The following NRXN1 variants were observed in gnomAD, a reference collection of about 807,000 sequenced individuals.
NRXN1 encodes neurexin 1.
In NRXN1, 39 loss-of-function variants were observed where a neutral mutation model predicts 150.9. The ratio of observed to expected loss-of-function variants is 0.26; its 90% confidence interval spans 0.20 to 0.34. The LOEUF is 0.34. Among genes scored for constraint, NRXN1 ranks in the 10% least tolerant of loss-of-function variants. The pLI, the probability that NRXN1 is intolerant of heterozygous loss-of-function variation, is 1.00. For synonymous variants in NRXN1, 924 were observed against 757.0 expected (o/e 1.22, Z -3.62); for missense variants, 1,815 against 1,949.9 (o/e 0.93, Z 1.30).
At chr2:50,878,710 T>A (rs181998747) in intron 5 of NRXN1, among the ~76,000 whole-genome samples, 54 of 152,048 alleles carry the variant, frequency 3.6e-4, no homozygotes, top group Non-Finnish European at 6.6e-4. Flanking sequence ...ATAGCATGGC[T>A]GACGAGATTG....
rs199561088 is a variant in NRXN1, at chr2:51,027,637, C to A, written c.637G>T (p.Gly213Trp). The change falls in exon 2 of 23, where the codon GGG (glycine) becomes TGG (tryptophan). Residue 213 changes from glycine (G) to tryptophan (W), a missense_variant. Gly to Trp is a radical substitution (Grantham distance 184). Transcript: ENST00000401669. Reference protein sequence around the residue: ...KLDDEPPNSGGGSPCEAGEEG... With the variant: ...KLDDEPPNSGWGSPCEAGEEG... ...TCGCCCGCCTCGCACGGGCTTCCCC[C>A]GCCGCTGTTGGGCGGCTCATCGTCC... 1.2e-5 allele frequency: 19 copies of A among 1,597,092 alleles called. No homozygotes were observed. The highest frequency in any genetic ancestry group is 1.5e-5 in the Non-Finnish European group (18 of 1,172,148).
At position 50,095,693 on chromosome 2, in the gene NRXN1, G is replaced by GT. The variant is rs1032294193; in HGVS notation, c.3547-4200dup. On this transcript the variant is annotated intron_variant, in intron 18 of 22. Coordinates refer to ENST00000401669, the MANE Select transcript of NRXN1 (RefSeq NM_001330078.2). ...AAATCTCCAGATTTCATAGGATTTG[G>GT]TTTTTTTGCAACACAATAAAATAAA... Among the ~76,000 whole-genome samples, 164 of 151,270 alleles carry GT rather than the reference G, an allele frequency of 1.1e-3. 1 individual carries two copies. Among genetic ancestry groups the GT allele is most frequent in the African/African-American group, 3.7e-3 (154 of 41,240 alleles).
chr2:50,241,638 G>A (rs556839757), intron 17 of NRXN1, among the ~76,000 whole-genome samples: 3 of 151,892 alleles, frequency 2.0e-5, no homozygotes, highest in African/African-American at 7.2e-5. Context: ...ATTTAGCAAT[G>A]TCAACATACT....
intron 17 of NRXN1, among the ~76,000 whole-genome samples, chr2:50,355,325 CAG>C (rs1408414826): frequency 6.7e-6 from 1 of 150,098 alleles, no homozygotes; most frequent in East Asian, 1.9e-4. Flanking sequence ...CACATTTTGT[CAG>C]AGATATTCTG....
intron 17 of NRXN1, among the ~76,000 whole-genome samples, chr2:50,262,987 C>T (rs2068451846): frequency 6.6e-6 from 1 of 151,910 alleles, no homozygotes; most frequent in African/African-American, 2.4e-5. Context: ...TTTTGAAATG[C>T]CCTTAGACCT....
chr2:50,707,527 A>T (rs1303660837), intron 5 of NRXN1, among the ~76,000 whole-genome samples: 1 of 152,164 alleles, frequency 6.6e-6, no homozygotes, highest in African/African-American at 2.4e-5. Context: ...TGATAAACAT[A>T]TTGAAAATTC....
intron 8 of NRXN1, among the ~76,000 whole-genome samples, chr2:50,601,385 G>T (rs997466032): frequency 6.6e-6 from 1 of 152,116 alleles, no homozygotes; most frequent in African/African-American, 2.4e-5. Flanking sequence ...TATAATACGT[G>T]GTTTGACATG....
intron 8 of NRXN1, among the ~76,000 whole-genome samples, chr2:50,593,725 C>T (rs1674665765): frequency 6.6e-6 from 1 of 152,028 alleles, no homozygotes; most frequent in Non-Finnish European, 1.5e-5. Context: ...TATATTTTGG[C>T]CACGTTTTAA....
chr2:50,285,532 A>T (rs1291843822), intron 17 of NRXN1, among the ~76,000 whole-genome samples: 1 of 152,206 alleles, frequency 6.6e-6, no homozygotes, highest in Admixed American at 6.5e-5. Context: ...ACCCCTGCAA[A>T]TATGGGGAAA....
intron 8 of NRXN1, among the ~76,000 whole-genome samples, chr2:50,572,207 G>T (rs377467102): frequency 6.6e-6 from 1 of 152,258 alleles, no homozygotes; most frequent in African/African-American, 2.4e-5. Context: ...GTCCTGAAGG[G>T]CATGCACATA....
chr2:50,538,377 T>C lies in NRXN1; in HGVS notation c.2019A>G (p.Ser673=). 1 of 1,614,034 alleles carries C rather than the reference T, an allele frequency of 6.2e-7. No homozygotes were observed. Among genetic ancestry groups the C allele is most frequent in the Non-Finnish European group, 8.5e-7 (1 of 1,179,888 alleles). ...TAAGGCACGGTTTTGCTGTTTCCTT[T>C]GAGCAGGAAGGCTTCACTCCAGCAG... is the stretch of plus-strand genomic sequence containing the variant. ...QSTAGVKPSC[S]KETAKPCLSN... Residue 673 remains serine, a synonymous_variant, in exon 10 of 23, where the codon TCA becomes TCG. Coordinates refer to ENST00000401669, the MANE Select transcript of NRXN1 (RefSeq NM_001330078.2).
intron 17 of NRXN1, among the ~76,000 whole-genome samples, chr2:50,258,343 T>C (rs2067921503): frequency 6.6e-6 from 1 of 152,108 alleles, no homozygotes; most frequent in Admixed American, 6.6e-5. Context: ...ATTTCAACAA[T>C]GTTCACAGCA....
At chr2:50,558,851 C>A (rs1020654383) in intron 8 of NRXN1, among the ~76,000 whole-genome samples, 3 of 151,976 alleles carry the variant, frequency 2.0e-5, no homozygotes, top group African/African-American at 7.2e-5. Flanking sequence ...TGGAGGAGGG[C>A]GGATCACGAG....
At chr2:50,978,256 A>G (rs1696177957) in intron 2 of NRXN1, among the ~76,000 whole-genome samples, 1 of 121,864 alleles carries the variant, frequency 8.2e-6, no homozygotes, top group African/African-American at 3.0e-5. Context: ...CCATACTCTG[A>G]ATATGGATAT....
At chr2:50,297,858 CAT>C (rs1299863037) in intron 17 of NRXN1, among the ~76,000 whole-genome samples, 2 of 151,990 alleles carry the variant, frequency 1.3e-5, no homozygotes, top group Non-Finnish European at 2.9e-5. Flanking sequence ...TTAAAGGATG[CAT>C]AGGAGTTCAA....
At chr2:50,640,286 C>T (rs1387295881) in intron 5 of NRXN1, among the ~76,000 whole-genome samples, 1 of 152,054 alleles carries the variant, frequency 6.6e-6, no homozygotes, top group African/African-American at 2.4e-5. Context: ...ATGACCTAGG[C>T]ATTCAATGTG....
chr2:49,985,123 A>G (rs1179190625), intron 21 of NRXN1, among the ~76,000 whole-genome samples: 1 of 152,188 alleles, frequency 6.6e-6, no homozygotes, highest in Non-Finnish European at 1.5e-5. Context: ...CCATAAAATG[A>G]GAGTAACAGC....
chr2:50,943,598 C>T (rs1158467394), intron 2 of NRXN1, among the ~76,000 whole-genome samples: 1 of 152,148 alleles, frequency 6.6e-6, no homozygotes, highest in African/African-American at 2.4e-5. Context: ...TAACTGTTCA[C>T]ATCTAGAACT....
chr2:51,027,268 G>C (rs796263940), intron 2 of NRXN1, among the ~76,000 whole-genome samples: 2 of 152,280 alleles, frequency 1.3e-5, no homozygotes, highest in African/African-American at 4.8e-5. Flanking sequence ...TTGGTAGAAA[G>C]GTCTCCAGAA....
Sources: allele counts gnomAD v4.1 joint callset (sites outside exome capture counted in the v4.1 genomes callset), GRCh38; gene constraint gnomAD v4.1.1; transcripts MANE v1.5; gene names NCBI Gene and HGNC (gene_info 2026-07-23, HGNC 2026-07-21).